Variants in ZC3H12B observed in about 807,000 individuals in gnomAD.
The protein encoded by ZC3H12B is zinc finger CCCH-type containing 12B.
In ZC3H12B, 7 loss-of-function variants were observed where a neutral mutation model predicts 43.9. That is an observed-to-expected ratio of 0.16 (90% CI 0.09 to 0.30). The LOEUF is 0.30. Ranked by LOEUF, ZC3H12B falls within the 10% of genes least tolerant of loss-of-function variation. ZC3H12B has a pLI of 1.00. For synonymous variants in ZC3H12B, 222 were observed against 241.7 expected (o/e 0.92, Z 0.76); for missense variants, 475 against 670.2 (o/e 0.71, Z 3.22).
At chrX:65,283,264 A>G in the ZC3H12B span, among the ~76,000 whole-genome samples, 1 of 111,981 alleles carries the variant, frequency 8.9e-6, no homozygotes, top group Non-Finnish European at 1.9e-5. Context: ...CCTTCGACAA[A>G]ATTCAACAGC....
the ZC3H12B span, among the ~76,000 whole-genome samples, chrX:65,108,446 G>C: frequency 9.2e-6 from 1 of 108,720 alleles, no homozygotes; most frequent in Non-Finnish European, 1.9e-5. Context: ...TTGTCAAAAT[G>C]AAGACACACA....
chrX:65,161,446 C>T, the ZC3H12B span, among the ~76,000 whole-genome samples: 1 of 111,540 alleles, frequency 9.0e-6, no homozygotes, highest in African/African-American at 3.3e-5. Flanking sequence ...CTGGGTGCTC[C>T]TGTATTGGGT....
At chrX:65,118,686 A>ACATGTG in the ZC3H12B span, among the ~76,000 whole-genome samples, 1 of 109,971 alleles carries the variant, frequency 9.1e-6, no homozygotes, top group Non-Finnish European at 1.9e-5. Flanking sequence ...GCTTTATGGT[A>ACATGTG]CATGTGCACA....
At chrX:65,345,881 C>A in the ZC3H12B span, among the ~76,000 whole-genome samples, 2 of 110,962 alleles carry the variant, frequency 1.8e-5, no homozygotes, top group Non-Finnish European at 1.9e-5. Context: ...AATAGTCACA[C>A]AAAAATATTC....
intron 2 of ZC3H12B, among the ~76,000 whole-genome samples, chrX:65,377,307 C>A (rs2066360552): frequency 9.2e-6 from 1 of 108,807 alleles, no homozygotes; most frequent in South Asian, 3.9e-4. Context: ...GAGTTATTGG[C>A]CTTAAAGAGG....
chrX:65,361,842 C>A (rs140929717), upstream of ZC3H12B, among the ~76,000 whole-genome samples: 3,660 of 111,767 alleles, frequency 0.033, 59 homozygotes, highest in South Asian at 0.058. Context: ...GTAGAGGCAG[C>A]CAAGTAGCAA....
intron 3 of ZC3H12B, among the ~76,000 whole-genome samples, chrX:65,456,701 C>A (rs1166548686): frequency 2.8e-5 from 3 of 108,822 alleles, no homozygotes; most frequent in Non-Finnish European, 5.7e-5. Flanking sequence ...GCCTCGGCCT[C>A]CCGAGGCACC....
At chrX:65,211,984 TATATA>T in the ZC3H12B span, among the ~76,000 whole-genome samples, 4 of 69,631 alleles carry the variant, frequency 5.7e-5, no homozygotes, top group South Asian at 8.5e-4. Context: ...TACTATATAA[TATATA>T]ATATATGTTA....
At chrX:65,139,584 A>G in the ZC3H12B span, among the ~76,000 whole-genome samples, 9 of 107,073 alleles carry the variant, frequency 8.4e-5, no homozygotes, top group African/African-American at 3.0e-4. Context: ...GTGGTCCCTT[A>G]TGGATTTTAG....
upstream of ZC3H12B, among the ~76,000 whole-genome samples, chrX:65,364,821 G>A (rs774995641): frequency 3.0e-4 from 33 of 111,022 alleles, no homozygotes; most frequent in African/African-American, 1.1e-3. Context: ...CAGGCCCTGT[G>A]ACCTCCCTTC....
chrX:65,203,263 G>A, the ZC3H12B span, among the ~76,000 whole-genome samples: 435 of 111,840 alleles, frequency 3.9e-3, 4 homozygotes, highest in African/African-American at 0.013. Context: ...ACAAAGTCCC[G>A]TTTACTTTTT....
chrX:65,242,231 G>T, the ZC3H12B span, among the ~76,000 whole-genome samples: 3 of 111,033 alleles, frequency 2.7e-5, no homozygotes, highest in Non-Finnish European at 5.7e-5. Context: ...TATTTCAGTC[G>T]AAAGTGCTAA....
chrX:65,316,754 T>A, the ZC3H12B span, among the ~76,000 whole-genome samples: 3 of 111,481 alleles, frequency 2.7e-5, no homozygotes, highest in Non-Finnish European at 3.8e-5. Flanking sequence ...TGCATGACAA[T>A]CAGGTAACAA....
chrX:65,338,934 A>G, the ZC3H12B span, among the ~76,000 whole-genome samples: 8 of 112,398 alleles, frequency 7.1e-5, no homozygotes, highest in African/African-American at 2.3e-4. Context: ...AGTTGAAAGT[A>G]TTCTTCATAA....
upstream of ZC3H12B, among the ~76,000 whole-genome samples, chrX:65,365,111 A>G (rs765396251): frequency 9.0e-6 from 1 of 111,006 alleles, no homozygotes; most frequent in South Asian, 3.9e-4. Context: ...GGCTCTTGGT[A>G]TTCAGTGGAA....
the ZC3H12B span, among the ~76,000 whole-genome samples, chrX:65,071,362 A>C: frequency 9.3e-6 from 1 of 107,006 alleles, no homozygotes; most frequent in Non-Finnish European, 1.9e-5. Context: ...ATTGTATGGA[A>C]GATGGGTCTC....
At chrX:65,360,797 A>G in the ZC3H12B span, among the ~76,000 whole-genome samples, 1 of 112,320 alleles carries the variant, frequency 8.9e-6, no homozygotes, top group Non-Finnish European at 1.9e-5. Context: ...AAGGTTCATC[A>G]CAGTTGAATG....
the ZC3H12B span, among the ~76,000 whole-genome samples, chrX:65,284,477 C>G: frequency 9.0e-6 from 1 of 111,574 alleles, no homozygotes; most frequent in Non-Finnish European, 1.9e-5. Context: ...TAACCAGAGA[C>G]AAGGCCGGGC....
the ZC3H12B span, among the ~76,000 whole-genome samples, chrX:65,283,954 C>T: frequency 9.0e-6 from 1 of 111,128 alleles, no homozygotes; most frequent in Non-Finnish European, 1.9e-5. Context: ...GAGTGGTGTT[C>T]GAGTTACTAC....
Sources: allele counts gnomAD v4.1 joint callset (sites outside exome capture counted in the v4.1 genomes callset), GRCh38; gene constraint gnomAD v4.1.1; transcripts MANE v1.5; gene names NCBI Gene and HGNC (gene_info 2026-07-23, HGNC 2026-07-21).